CCDC186: variants seen among roughly 807,000 people sequenced by gnomAD.
CCDC186 encodes the protein coiled-coil domain-containing protein 186.
A neutral mutation model predicts 113.7 loss-of-function variants in CCDC186; 49 were observed. The ratio of observed to expected loss-of-function variants is 0.43; its 90% confidence interval spans 0.34 to 0.55. The LOEUF is 0.55. Ranked by LOEUF, CCDC186 falls within the 20% of genes least tolerant of loss-of-function variation. The probability of loss-of-function intolerance (pLI) is 0.02; values close to 1 mark genes in which losing one functional copy is unlikely to be tolerated. For missense variants in CCDC186, 890 were observed against 1,011.1 expected, an observed-to-expected ratio of 0.88 and a Z score of 1.62; for synonymous variants, 355 against 345.8, an observed-to-expected ratio of 1.03 and a Z score of -0.30.
chr10:114,160,269 C>CA (rs78640501), intron 2 of CCDC186, among the ~76,000 whole-genome samples: 20,142 of 113,968 alleles, frequency 0.18, 1,457 homozygotes, highest in African/African-American at 0.22. Context: ...AACTCCACCT[C>CA]AAAAAAAAAA....
At chr10:114,145,402 T>C (rs919569486) in intron 5 of CCDC186, 147 bp downstream of exon 5, 1 of 689,446 alleles carries the variant, frequency 1.5e-6, no homozygotes, top group African/African-American at 1.8e-5. Context: ...TACTAAAAAA[T>C]TCATGGTTTT....
chr10:114,132,129 T>A lies in CCDC186; in HGVS notation c.1711A>T (p.Ile571Phe). ...TCGATGTCTTTTTGTAGGTCATTAA[T>A]CAAAGAATTAAGACTTTCCACTTCT... ...KEEVESLNSL[I>F]NDLQKDIEGS... Residue 571 changes from isoleucine to phenylalanine, a missense_variant, in exon 11 of 16, where the codon ATT (isoleucine) becomes TTT (phenylalanine). Coordinates refer to ENST00000369287, the MANE Select transcript of CCDC186 (RefSeq NM_018017.4). 6.2e-7 allele frequency: 1 copy of A among 1,612,664 alleles called. No homozygotes were observed. Among genetic ancestry groups the A allele is most frequent in the Non-Finnish European group, 8.5e-7 (1 of 1,179,340 alleles).
At chr10:114,169,672 A>G (rs1198119562) in intron 1 of CCDC186, among the ~76,000 whole-genome samples, 1 of 152,224 alleles carries the variant, frequency 6.6e-6, no homozygotes, top group African/African-American at 2.4e-5. Flanking sequence ...ACCTACATCA[A>G]AAGAGTTTGT....
intron 13 of CCDC186, among the ~76,000 whole-genome samples, chr10:114,128,765 T>C (rs1564904632): frequency 6.6e-6 from 1 of 152,206 alleles, no homozygotes; most frequent in Non-Finnish European, 1.5e-5. Context: ...TTATAGACTC[T>C]ACCCATTTTT....
At position 114,163,170 on chromosome 10, in the gene CCDC186, A is replaced by G; in HGVS notation, c.99T>C (p.Asn33=). 3 of 1,614,020 alleles carry G rather than the reference A, an allele frequency of 1.9e-6. No homozygotes were observed. Among genetic ancestry groups the G allele is most frequent in the Non-Finnish European group, 2.5e-6 (3 of 1,179,978 alleles). ...KEDSCNLFSG[N]ESSKLENESK... ...ACTCATTTTCTAATTTGCTGCTTTC[A>G]TTGCCAGAAAACAAGTTGCATGAGT... Residue 33 remains asparagine, a synonymous_variant, in exon 2 of 16, where the codon AAT becomes AAC. Transcript: ENST00000369287.
chr10:114,167,959 C>G (rs1034090571), intron 1 of CCDC186, among the ~76,000 whole-genome samples: 5 of 152,044 alleles, frequency 3.3e-5, no homozygotes, highest in Non-Finnish European at 1.5e-5. Flanking sequence ...GTACTCCAGC[C>G]TGAGCAAGAG....
chr10:114,165,441 C>T (rs1016263319), intron 1 of CCDC186, among the ~76,000 whole-genome samples: 4 of 152,190 alleles, frequency 2.6e-5, no homozygotes, highest in Admixed American at 2.6e-4. Flanking sequence ...CGCCTGTAAT[C>T]CCAGTACTTT....
At position 114,145,652 on chromosome 10, in the gene CCDC186, T is replaced by C; in HGVS notation, c.998A>G (p.Glu333Gly). 6.2e-7 allele frequency: 1 copy of C among 1,613,502 alleles called. No individual in the cohort carries two copies. The highest frequency in any genetic ancestry group is 8.5e-7 in the Non-Finnish European group (1 of 1,179,888). ...CTTATTTGCATCTCTAAGTTTTTTC[T>C]CAAGTGTCTCTTTTTCCTTTCGAAG... is the stretch of plus-strand genomic sequence containing the variant. ...LDLRKEKETL[E>G]KKLRDANKEL... The change falls in exon 5 of 16, where the codon GAG (glutamate) becomes GGG (glycine). Residue 333 changes from glutamate to glycine, a missense_variant. Coordinates refer to ENST00000369287, the MANE Select transcript of CCDC186 (RefSeq NM_018017.4).
At chr10:114,126,397 C>A (rs140666411) in intron 14 of CCDC186, among the ~76,000 whole-genome samples, 1,529 of 152,284 alleles carry the variant, frequency 0.01, 10 homozygotes, top group Middle Eastern at 0.037. Flanking sequence ...CATTTTGTCA[C>A]CCAGGCTGGA....
chr10:114,140,396 A>C (rs1364591312), intron 6 of CCDC186, among the ~76,000 whole-genome samples: 1 of 152,212 alleles, frequency 6.6e-6, no homozygotes, highest in African/African-American at 2.4e-5. Flanking sequence ...AATGAGATGG[A>C]ATGAGATGGA....
At chr10:114,140,843 G>T (rs2031444757) in intron 6 of CCDC186, among the ~76,000 whole-genome samples, 1 of 151,362 alleles carries the variant, frequency 6.6e-6, no homozygotes, top group Non-Finnish European at 1.5e-5. Flanking sequence ...TATAAGAGCT[G>T]CTTTAACATC....
chr10:114,137,382 A>G (rs1371434539), intron 6 of CCDC186, 92 bp from the exon 7 acceptor site: 9 of 778,366 alleles, frequency 1.2e-5, no homozygotes, highest in Non-Finnish European at 1.7e-5. Flanking sequence ...TTGTCCTAGC[A>G]CTGTCACTGA....
Position 114,131,106 on chromosome 10 carries a change from A to G in CCDC186, c.2101+41T>C, listed in dbSNP as rs1179672602. 2.2e-6 allele frequency: 3 copies of G among 1,355,454 alleles called. No individual in the cohort carries two copies. In the African/African-American group the frequency reaches 4.5e-5, roughly 20 times the overall value. The allele number at this position is 1,355,454 out of a possible 1,614,324, so 84.0% of individuals were successfully genotyped here. A position where few individuals can be genotyped will look rare whatever the true frequency, so the allele number is the denominator to read the frequency against. On this transcript the variant is annotated intron_variant, in intron 12 of 15. Coordinates refer to ENST00000369287, the MANE Select transcript of CCDC186 (RefSeq NM_018017.4). ...AAATAAAATCCTAATGATTAAAAGA[A>G]ACAAACACATTCATGGTCTAAGTGT... is the stretch of plus-strand genomic sequence containing the variant.
At chr10:114,157,382 G>C (rs1304976723) in intron 3 of CCDC186, among the ~76,000 whole-genome samples, 172 bp downstream of exon 3, 1 of 148,048 alleles carries the variant, frequency 6.8e-6, no homozygotes. Flanking sequence ...TGTAGAGACA[G>C]GGTTTCACCA....
At position 114,139,731 on chromosome 10, in the gene CCDC186, A is replaced by G. The variant is rs1005508772; in HGVS notation, c.1222-2441T>C. On this transcript the variant is annotated intron_variant, in intron 6 of 15. Transcript: ENST00000369287. ...TAGTACCACTTTTAAAATATAAGCA[A>G]TTATTTATTTTTTCAAATATTGACT... is the stretch of plus-strand genomic sequence containing the variant. Among the ~76,000 whole-genome samples the G allele has an allele frequency of 4.6e-5, 7 of 152,236 alleles. No homozygotes were observed. In the East Asian group the frequency reaches 1.2e-3, roughly 25 times the overall value.
At chr10:114,152,104 G>T (rs1043537615) in intron 3 of CCDC186, among the ~76,000 whole-genome samples, 5 of 152,194 alleles carry the variant, frequency 3.3e-5, no homozygotes, top group African/African-American at 1.2e-4. Context: ...ACTTTGGAAA[G>T]CTGAGGAGAG....
intron 4 of CCDC186, among the ~76,000 whole-genome samples, chr10:114,149,786 CAGGAAGGAAGGAAGGA>C (rs879496767): frequency 6.7e-4 from 32 of 48,118 alleles, no homozygotes; most frequent in African/African-American, 1.6e-3. Flanking sequence ...GGCAGGAAGG[CAGGAAGGAAGGAAGGA>C]AGGAAGGAAG....
chr10:114,172,506 T>C (rs35517495), intron 1 of CCDC186, among the ~76,000 whole-genome samples: 11,752 of 152,266 alleles, frequency 0.077, 598 homozygotes, highest in Middle Eastern at 0.15. Flanking sequence ...TAGCAATAAA[T>C]AGGACTCAAA....
At chr10:114,170,268 A>G (rs2032454629) in intron 1 of CCDC186, among the ~76,000 whole-genome samples, 1 of 152,222 alleles carries the variant, frequency 6.6e-6, no homozygotes, top group South Asian at 2.1e-4. Flanking sequence ...AGTTCTACAA[A>G]AAGAAATAAT....
Sources: gnomAD v4.1 joint callset for allele counts (sites outside exome capture counted in the v4.1 genomes callset) on GRCh38, gnomAD v4.1.1 for gene constraint, MANE v1.5 for transcripts, NCBI Gene and HGNC (gene_info 2026-07-23, HGNC 2026-07-21) for gene names.